Variants in GNAT2 observed in about 807,000 individuals in gnomAD.
The protein encoded by GNAT2 is guanine nucleotide-binding protein G(t) subunit alpha-2.
In GNAT2, 32 loss-of-function variants were observed where a neutral mutation model predicts 40.9. The ratio of observed to expected loss-of-function variants is 0.78; its 90% CI spans 0.59 to 1.05. The LOEUF is 1.05. Among genes scored for constraint, GNAT2 ranks in the 50% least tolerant of loss-of-function variants. The probability of loss-of-function intolerance (pLI) is 0.00; values close to 1 mark genes in which losing one functional copy is unlikely to be tolerated. For synonymous variants in GNAT2, 141 were observed against 157.2 expected (o/e 0.90, Z 0.77); for missense variants, 355 against 431.5 (o/e 0.82, Z 1.57).
intron 2 of GNAT2, 116 bp from the exon 3 acceptor site, chr1:109,610,623 A>G: frequency 1.2e-6 from 1 of 819,150 alleles, no homozygotes; most frequent in Non-Finnish European, 2.1e-6. Flanking sequence ...AGGGGAGAAT[A>G]CATAGGGATG....
intron 8 of GNAT2, 39 bp from the exon 9 acceptor site, chr1:109,603,583 G>T: frequency 1.5e-6 from 2 of 1,340,506 alleles, no homozygotes; most frequent in South Asian, 1.2e-5. Context: ...TAGAATAAAT[G>T]AACCCTTGTT....
In GNAT2 at chr1:109,608,627, T is replaced by C. The variant is rs1649693719; in HGVS notation, c.461+4A>G. 2 of 1,613,322 alleles carry C rather than the reference T, an allele frequency of 1.2e-6. No individual in the cohort carries two copies. Among genetic ancestry groups the C allele is most frequent in the Non-Finnish European group, 1.7e-6 (2 of 1,179,354 alleles). On this transcript the variant is annotated splice_donor_region_variant and intron_variant, in intron 5 of 8. Coordinates refer to ENST00000679935, the MANE Select transcript of GNAT2 (RefSeq NM_001377295.2). ...CAACCCACCCTCTCACCAGTCAGTC[T>C]TACTAAGATGCGGAGTCATTAAGCT...
chr1:109,612,311 CT>C (rs1649819198), intron 2 of GNAT2: 1 of 252,864 alleles, frequency 4.0e-6, no homozygotes, highest in South Asian at 4.7e-5. Context: ...GGGACTATCT[CT>C]GGTACTGTTG....
intron 5 of GNAT2, 153 bp from the exon 6 acceptor site, chr1:109,606,589 C>T: frequency 4.5e-6 from 3 of 672,934 alleles, no homozygotes; most frequent in Non-Finnish European, 5.3e-6. Context: ...TCCTTCAAAC[C>T]TTCATATGTC....
At chr1:109,613,045 T>C in intron 1 of GNAT2, 122 bp from the exon 2 acceptor site, 1 of 702,526 alleles carries the variant, frequency 1.4e-6, no homozygotes, top group Non-Finnish European at 2.6e-6. Flanking sequence ...GTACTCTGCC[T>C]ACATTGACTG....
Position 109,612,918 on chromosome 1 carries a change from G to A in GNAT2, c.-48C>T. On this transcript the variant is annotated 5_prime_UTR_variant, in exon 2 of 9. Transcript: ENST00000679935. ...TCAGGCCCCTAATCCTCTCTCGTAA[G>A]GTTTCCTGTATGTGAGATGGAAGAG... The A allele has an allele frequency of 1.6e-6, 2 of 1,237,812 alleles. No individual in the cohort carries two copies. The highest frequency in any genetic ancestry group is 2.4e-6 in the Non-Finnish European group (2 of 838,788). 76.7% of individuals were successfully genotyped at this position (1,237,812 alleles called of 1,614,324 possible). A position where few individuals can be genotyped will look rare whatever the true frequency, so the allele number is the denominator to read the frequency against.
At chr1:109,614,543 A>G (rs1426625637) in intron 1 of GNAT2, 4 of 152,236 alleles carry the variant, frequency 2.6e-5, no homozygotes, top group Admixed American at 6.5e-5. Context: ...AGAGCTTTTT[A>G]AAAAATACTG....
At chr1:109,607,813 A>G (rs1324004720) in intron 5 of GNAT2, 3 of 152,268 alleles carry the variant, frequency 2.0e-5, no homozygotes, top group Admixed American at 6.5e-5. Flanking sequence ...GAAAGGTACC[A>G]TCTACCTTAA....
chr1:109,615,338 A>G (rs1649919819), intron 1 of GNAT2: 1 of 152,248 alleles, frequency 6.6e-6, no homozygotes, highest in African/African-American at 2.4e-5. Flanking sequence ...TCCACTAAAA[A>G]TACAAAAATT....
intron 5 of GNAT2, chr1:109,606,785 T>G (rs1016693964): frequency 6.1e-6 from 2 of 325,354 alleles, no homozygotes; most frequent in African/African-American, 4.3e-5. Context: ...TGAAAGAGAC[T>G]TTAAAGACAT....
rs1204281827 is a variant in GNAT2, at chr1:109,603,428, T to G, written c.991A>C (p.Asn331His). The G allele has an allele frequency of 6.2e-7, 1 of 1,601,736 alleles. No homozygotes were observed. Among genetic ancestry groups the G allele is most frequent in the Middle Eastern group, 1.7e-4 (1 of 6,044 alleles). Residue 331 changes from asparagine to histidine, a missense_variant, in exon 9 of 9, where the codon AAT becomes CAT. By Grantham distance (68) the Asn-to-His change is moderately conservative (BLOSUM62 1). Coordinates refer to ENST00000679935, the MANE Select transcript of GNAT2 (RefSeq NM_001377295.2). ...SHMTCATDTQ[N>H]VKFVFDAVTD... is the part of the protein sequence containing the mutation. ...ACTGCATCAAACACAAATTTGACAT[T>G]CTGTGTATCTGTAGCACAGGTCATG... is the stretch of plus-strand genomic sequence containing the variant.
rs1649759091 is a variant in GNAT2 at position 109,610,378 on chromosome 1, C to G, written c.161+87G>C. 5.1e-6 allele frequency: 7 copies of G among 1,373,940 alleles called. No homozygotes were observed. In the Admixed American group the frequency reaches 6.8e-5, roughly 13 times the overall value. 85.1% of individuals were successfully genotyped at this position (1,373,940 alleles called of 1,614,324 possible). A position where few individuals can be genotyped will look rare whatever the true frequency, so the allele number is the denominator to read the frequency against. Reference sequence around the variant, plus strand: ...TCCTTTATACCTGGGCTCCTTGAGGCTAAAGAGCCTTTCACTTTGAATACC... The same window carrying G: ...TCCTTTATACCTGGGCTCCTTGAGGGTAAAGAGCCTTTCACTTTGAATACC... On this transcript the variant is annotated intron_variant, in intron 3 of 8. Coordinates refer to ENST00000679935, the MANE Select transcript of GNAT2 (RefSeq NM_001377295.2).
Position 109,603,315 on chromosome 1 carries a change from A to G in GNAT2, c.*39T>C. On this transcript the variant is annotated 3_prime_UTR_variant, in exon 9 of 9. Transcript: ENST00000679935. ...TCTGTTTTTAATTACCCAGATTCCA[A>G]GCCTGTTTATAGAACTTATACCTGA... The G allele has an allele frequency of 8.7e-7, 1 of 1,147,318 alleles. No homozygotes were observed. The highest frequency in any genetic ancestry group is 1.3e-6 in the Non-Finnish European group (1 of 755,352). The allele number at this position is 1,147,318 out of a possible 1,614,324, so 71.1% of individuals were successfully genotyped here.
intron 4 of GNAT2, chr1:109,609,587 A>C: frequency 3.6e-6 from 1 of 277,040 alleles, no homozygotes; most frequent in South Asian, 3.8e-5. Flanking sequence ...AGCCATGATC[A>C]CACCACTGCA....
chr1:109,613,187 T>A, intron 1 of GNAT2: 2 of 370,376 alleles, frequency 5.4e-6, no homozygotes, highest in South Asian at 4.4e-5. Context: ...AATGTTTCTA[T>A]AACTAGGGAA....
At chr1:109,613,788 A>T (rs1250287163) in intron 1 of GNAT2, 1 of 152,208 alleles carries the variant, frequency 6.6e-6, no homozygotes, top group Non-Finnish European at 1.5e-5. Flanking sequence ...GCTGAGTCCC[A>T]ACTTCACTTC....
rs1302669345 is a variant in GNAT2 at position 109,606,250 on chromosome 1, G to C, written c.590+58C>G. 4 of 1,594,266 alleles carry C rather than the reference G, an allele frequency of 2.5e-6. No individual in the cohort carries two copies. In the Admixed American group the frequency reaches 6.7e-5, roughly 27 times the overall value. The stretch of plus-strand genomic sequence containing the variant: ...ACCAAAGGCCAAGAAGCCTGCCTGT[G>C]CCCCTTTTCAGGATTCCACACGTGT... On this transcript the variant is annotated intron_variant, in intron 6 of 8. Coordinates refer to ENST00000679935, the MANE Select transcript of GNAT2 (RefSeq NM_001377295.2).
rs1445706464 is a variant in GNAT2, at chr1:109,612,896, G to A, written c.-26C>T. The stretch of plus-strand genomic sequence containing the variant: ...ATTTGCCGTCTTGTCAGCTTTTTCA[G>A]GCCCCTAATCCTCTCTCGTAAGGTT... On this transcript the variant is annotated 5_prime_UTR_variant, in exon 2 of 9. Transcript: ENST00000679935. 1 of 1,427,922 alleles carries A rather than the reference G, an allele frequency of 7.0e-7. No individual in the cohort carries two copies. The highest frequency in any genetic ancestry group is 9.9e-7 in the Non-Finnish European group (1 of 1,010,978). The allele number at this position is 1,427,922 out of a possible 1,614,324, so 88.5% of individuals were successfully genotyped here.
intron 1 of GNAT2, among the ~76,000 whole-genome samples, chr1:109,619,139 G>A (rs1284783816): frequency 3.9e-5 from 6 of 152,188 alleles, no homozygotes; most frequent in Non-Finnish European, 7.3e-5. Flanking sequence ...ACCCCAGAAC[G>A]GCTGCAAGTG....
Sources: gnomAD v4.1 joint callset for allele counts (sites outside exome capture counted in the v4.1 genomes callset) on GRCh38, gnomAD v4.1.1 for gene constraint, MANE v1.5 for transcripts, NCBI Gene and HGNC (gene_info 2026-07-23, HGNC 2026-07-21) for gene names.